CACNA1B: variants seen among roughly 807,000 people sequenced by gnomAD.
The protein encoded by CACNA1B is voltage-dependent N-type calcium channel subunit alpha-1B.
In CACNA1B, 70 loss-of-function variants were observed where a neutral mutation model predicts 247.2. That is an observed-to-expected ratio of 0.28 (90% CI 0.23 to 0.35). The LOEUF is 0.35. Among genes scored for constraint, CACNA1B ranks in the 10% least tolerant of loss-of-function variants. The pLI, the probability that CACNA1B is intolerant of heterozygous loss-of-function variation, is 1.00. For synonymous variants in CACNA1B, 1,231 were observed against 1,294.4 expected (o/e 0.95, Z 1.05); for missense variants, 2,367 against 3,197.4 (o/e 0.74, Z 6.26).
intron 2 of CACNA1B, 101 bp downstream of exon 2, chr9:137,879,260 T>C (rs1956884185): frequency 2.7e-6 from 2 of 744,372 alleles, no homozygotes; most frequent in Non-Finnish European, 4.5e-6. Context: ...GGCAGGGTCG[T>C]CTGGGCAGTG....
chr9:138,017,370 T>G (rs7042117), intron 18 of CACNA1B, among the ~76,000 whole-genome samples: 1 of 152,278 alleles, frequency 6.6e-6, no homozygotes, highest in Admixed American at 6.5e-5. Flanking sequence ...TGCTCCCTGA[T>G]GTCCCCAAGT....
chr9:138,046,872 G>T (rs199596776), intron 21 of CACNA1B, 32 bp from the exon 22 acceptor site: 22 of 1,600,850 alleles, frequency 1.4e-5, no homozygotes, highest in Non-Finnish European at 1.8e-5. Context: ...CCGGCTGGGG[G>T]GCCTTGTGGT....
At chr9:137,951,717 T>C (rs1957879545) in intron 6 of CACNA1B, among the ~76,000 whole-genome samples, 2 of 152,246 alleles carry the variant, frequency 1.3e-5, no homozygotes, top group South Asian at 4.1e-4. Context: ...TGCTTTCAGC[T>C]ATTCAGATCA....
chr9:138,076,320 C>T (rs1401842202), intron 35 of CACNA1B, among the ~76,000 whole-genome samples: 1 of 152,176 alleles, frequency 6.6e-6, no homozygotes, highest in Non-Finnish European at 1.5e-5. Context: ...TTGTTGATTA[C>T]AGGGATTGGT....
rs970596716 is a variant in CACNA1B at position 138,052,853 on chromosome 9, G to A, written c.3807+665G>A. Among the ~76,000 whole-genome samples the A allele has an allele frequency of 1.3e-5, 2 of 152,200 alleles. No individual in the cohort carries two copies. The highest frequency in any genetic ancestry group is 2.4e-5 in the African/African-American group (1 of 41,456). ...GAGGAGTGGCACCTGCCCTGGCACCGAGTGGCGCTGTGCAGTGGTCATCCA... is the reference window on the plus strand; with the variant it reads ...GAGGAGTGGCACCTGCCCTGGCACCAAGTGGCGCTGTGCAGTGGTCATCCA... On this transcript the variant is annotated intron_variant, in intron 25 of 46. Transcript: ENST00000371372. The surrounding 1 kb of genome is among the most constrained non-coding windows in gnomAD (Gnocchi z 5.1).
At chr9:137,901,075 C>G (rs559581176) in intron 3 of CACNA1B, among the ~76,000 whole-genome samples, 34 of 137,426 alleles carry the variant, frequency 2.5e-4, no homozygotes, top group Middle Eastern at 5.3e-3. Context: ...GTGTGTCTCT[C>G]TGTCCCTGTG....
At chr9:137,937,517 G>A (rs976444456) in intron 6 of CACNA1B, among the ~76,000 whole-genome samples, 2 of 152,100 alleles carry the variant, frequency 1.3e-5, no homozygotes, top group African/African-American at 4.8e-5. Context: ...ATGTATTTGG[G>A]GAAATAATCA....
At chr9:138,022,113 T>C (rs1958852643) in intron 18 of CACNA1B, among the ~76,000 whole-genome samples, 1 of 152,040 alleles carries the variant, frequency 6.6e-6, no homozygotes, top group African/African-American at 2.4e-5. Flanking sequence ...GGAGTAGGGG[T>C]CAAGGCCTTC....
chr9:138,013,516 T>C (rs1013430956), intron 18 of CACNA1B, among the ~76,000 whole-genome samples: 2 of 152,070 alleles, frequency 1.3e-5, no homozygotes, highest in African/African-American at 4.8e-5. Flanking sequence ...TCAGGGTGGC[T>C]CCAGGCCCCT....
intron 6 of CACNA1B, among the ~76,000 whole-genome samples, chr9:137,931,386 T>C (rs1222263176): frequency 1.3e-5 from 2 of 152,128 alleles, no homozygotes; most frequent in African/African-American, 4.8e-5. Flanking sequence ...ACCAATCAGG[T>C]ACTTTCCATT....
At chr9:138,045,983 C>G (rs1212830137) in intron 21 of CACNA1B, among the ~76,000 whole-genome samples, 1 of 152,114 alleles carries the variant, frequency 6.6e-6, no homozygotes, top group South Asian at 2.1e-4. Flanking sequence ...CAGAGCACAG[C>G]CCTCGTGATG....
intron 10 of CACNA1B, among the ~76,000 whole-genome samples, chr9:137,959,777 G>C (rs1453758063): frequency 6.6e-6 from 1 of 152,182 alleles, no homozygotes; most frequent in Non-Finnish European, 1.5e-5. Context: ...TGCCAGCAAC[G>C]GAGGCATGGG....
At position 138,097,362 on chromosome 9, in the gene CACNA1B, C is replaced by T. The variant is rs114090069; in HGVS notation, c.5222+751C>T. On this transcript the variant is annotated intron_variant, in intron 37 of 46. Coordinates refer to ENST00000371372, the MANE Select transcript of CACNA1B (RefSeq NM_000718.4). The stretch of plus-strand genomic sequence containing the variant: ...TTGAGATCAGGATCCATGGGGGTCC[C>T]GTACAGCATGGCATCTCAGCAGGGC... 3.5e-3 allele frequency among the ~76,000 whole-genome samples: 534 copies of T among 152,254 alleles called. 3 individuals are homozygous for T. The highest frequency in any genetic ancestry group is 0.011 in the African/African-American group (442 of 41,548).
chr9:137,916,987 A>C (rs1415531351), intron 5 of CACNA1B, among the ~76,000 whole-genome samples: 1 of 151,926 alleles, frequency 6.6e-6, no homozygotes, highest in African/African-American at 2.4e-5. Flanking sequence ...CCATCAAGTG[A>C]TGGTGGGCAG....
intron 6 of CACNA1B, among the ~76,000 whole-genome samples, chr9:137,926,696 A>G (rs1957555079): frequency 6.6e-6 from 1 of 152,098 alleles, no homozygotes; most frequent in African/African-American, 2.4e-5. Context: ...ATCCTCACCA[A>G]TACTTGTTAA....
chr9:138,024,151 G>A (rs1958890249), intron 19 of CACNA1B, among the ~76,000 whole-genome samples: 1 of 152,222 alleles, frequency 6.6e-6, no homozygotes, highest in African/African-American at 2.4e-5. Flanking sequence ...GTGGCCCTGG[G>A]AGAAGAGAAA....
Position 137,913,243 on chromosome 9 carries a change from G to A in CACNA1B, c.594G>A (p.Arg198=), listed in dbSNP as rs201900845. 15 of 1,613,792 alleles carry A rather than the reference G, an allele frequency of 9.3e-6. No individual in the cohort carries two copies. The highest frequency in any genetic ancestry group is 1.3e-5 in the Non-Finnish European group (15 of 1,179,872). The change falls in exon 4 of 47, where the codon AGG becomes AGA. Residue 198 remains arginine (R), a synonymous_variant. Coordinates refer to ENST00000371372, the MANE Select transcript of CACNA1B (RefSeq NM_000718.4). This position sits in a 1 kb window ranked among gnomAD's most constrained non-coding sequence, Gnocchi z 5.2. ...LRTLRAVRVL[R]PLKLVSGIPS... is the part of the protein sequence containing the mutation. ...CACTGAGGGCTGTGCGTGTGCTGAG[G>A]CCCCTGAAGCTGGTGTCTGGGATTC...
At chr9:137,942,863 A>G (rs1225971471) in intron 6 of CACNA1B, among the ~76,000 whole-genome samples, 3 of 152,222 alleles carry the variant, frequency 2.0e-5, no homozygotes, top group Non-Finnish European at 2.9e-5. Flanking sequence ...TGTGTGCAGC[A>G]TACACTGCTT....
At position 137,974,719 on chromosome 9, in the gene CACNA1B, A is replaced by G. The variant is rs76573162; in HGVS notation, c.1544-1188A>G. On this transcript the variant is annotated intron_variant, in intron 11 of 46. Transcript: ENST00000371372. This position sits in a 1 kb window ranked among gnomAD's most constrained non-coding sequence, Gnocchi z 4.5. ...TGTCTGCTGAAGGTCCCGTGTCCCA[A>G]CAGAGACTGTAGAGGGGGATTCAGA... is the stretch of plus-strand genomic sequence containing the variant. 0.014 allele frequency among the ~76,000 whole-genome samples: 2,149 copies of G among 152,248 alleles called. 19 individuals are homozygous for G. The highest frequency in any genetic ancestry group is 0.048 in the East Asian group (246 of 5,152).
Sources: allele counts gnomAD v4.1 joint callset (sites outside exome capture counted in the v4.1 genomes callset), GRCh38; gene constraint gnomAD v4.1.1; non-coding constraint Gnocchi (gnomAD v3.1); transcripts MANE v1.5; gene names NCBI Gene and HGNC (gene_info 2026-07-23, HGNC 2026-07-21).